ARG2: variants seen among roughly 807,000 people sequenced by gnomAD.
The protein encoded by ARG2 is arginase 2, also known as arginase-2, mitochondrial.
A neutral mutation model predicts 39.4 loss-of-function variants in ARG2; 21 were observed. That is an observed-to-expected ratio of 0.53 (90% CI 0.38 to 0.77). The LOEUF (loss-of-function observed/expected upper bound fraction) is 0.77. Among genes scored for constraint, ARG2 ranks in the 30% least tolerant of loss-of-function variants. The pLI is 0.00. For missense variants in ARG2, 378 were observed against 426.2 expected (o/e 0.89, Z 1.00); for synonymous variants, 150 against 156.7 (o/e 0.96, Z 0.32).
At chr14:67,625,489 A>G (rs2036854455) in intron 2 of ARG2, among the ~76,000 whole-genome samples, 1 of 151,980 alleles carries the variant, frequency 6.6e-6, no homozygotes, top group Non-Finnish European at 1.5e-5. Context: ...GACCAGCCTC[A>G]ACATGGAGAA....
Position 67,622,311 on chromosome 14 carries a change from T to G in ARG2, c.184+1345T>G, listed in dbSNP as rs377015668. Among the ~76,000 whole-genome samples the G allele has an allele frequency of 3.9e-5, 6 of 152,334 alleles. No individual in the cohort carries two copies. The East Asian group carries it at 5.8e-4, about 15-fold the overall frequency. ...ACTGTTGCTCTGAACTCTTCTCTGC[T>G]GGTCATAAGTCCATTCCAAGTGAAG... On this transcript the variant is annotated intron_variant, in intron 2 of 7. Transcript: ENST00000261783.
intron 2 of ARG2, among the ~76,000 whole-genome samples, chr14:67,629,777 T>C (rs1234739380): frequency 1.3e-5 from 2 of 152,198 alleles, no homozygotes; most frequent in African/African-American, 4.8e-5. Flanking sequence ...TTCAAGATCC[T>C]ACAGTAAAAG....
At chr14:67,637,410 CAAAA>C (rs34746542) in intron 2 of ARG2, among the ~76,000 whole-genome samples, 5 of 103,616 alleles carry the variant, frequency 4.8e-5, no homozygotes, top group Non-Finnish European at 7.1e-5. Context: ...GACTCTGTCT[CAAAA>C]AAAAAAAAAA....
chr14:67,627,886 T>C (rs1172806217), intron 2 of ARG2, among the ~76,000 whole-genome samples: 1 of 152,260 alleles, frequency 6.6e-6, no homozygotes, highest in Non-Finnish European at 1.5e-5. Context: ...AGCTAAATTA[T>C]TGGAATGAGC....
chr14:67,642,678 T>C (rs576351483), intron 3 of ARG2, among the ~76,000 whole-genome samples: 4 of 152,232 alleles, frequency 2.6e-5, no homozygotes, highest in South Asian at 2.1e-4. Context: ...TTGAGACTTA[T>C]CTTATGACTT....
intron 4 of ARG2, 92 bp downstream of exon 4, chr14:67,645,894 T>C: frequency 2.1e-6 from 3 of 1,439,916 alleles, no homozygotes; most frequent in Non-Finnish European, 2.8e-6. Flanking sequence ...GAAGGGTGGG[T>C]TGAGTGTGGA....
rs747068143 is a variant in ARG2, at chr14:67,650,701, C to CT, written c.860-11dup. ...CAAGGGAACCTGAGGTTTTGTCACACTTTGTTCTTCCAGGGTTGCTATCAG... is the reference window on the plus strand; with the variant it reads ...CAAGGGAACCTGAGGTTTTGTCACACTTTTGTTCTTCCAGGGTTGCTATCAG... On this transcript the variant is annotated splice_polypyrimidine_tract_variant and intron_variant, in intron 7 of 7. Coordinates refer to ENST00000261783, the MANE Select transcript of ARG2 (RefSeq NM_001172.4). The CT allele has an allele frequency of 9.3e-6, 15 of 1,612,900 alleles. No homozygotes were observed. The highest frequency in any genetic ancestry group is 3.3e-5 in the Admixed American group (2 of 60,012).
intron 7 of ARG2, 116 bp downstream of exon 7, chr14:67,648,299 A>G: frequency 8.3e-7 from 1 of 1,207,382 alleles, no homozygotes. Flanking sequence ...GTTTTTGCTT[A>G]AACTTTTGTA....
chr14:67,639,586 T>C (rs183476660), intron 2 of ARG2, among the ~76,000 whole-genome samples: 1 of 152,056 alleles, frequency 6.6e-6, no homozygotes, highest in Non-Finnish European at 1.5e-5. Context: ...GAGATAAACA[T>C]GGAGGTGAAA....
chr14:67,643,023 G>A (rs1477352040), intron 3 of ARG2, among the ~76,000 whole-genome samples: 4 of 151,890 alleles, frequency 2.6e-5, no homozygotes, highest in African/African-American at 2.4e-5. Context: ...GACTGGTCTC[G>A]AACTCCTGAG....
rs753682357 is a variant in ARG2 at position 67,648,231 on chromosome 14, G to C, written c.859+48G>C. ...GCCTGTTAACTACATAGGTAAATAT[G>C]CTAGAGTCTCTTGCCTGCAAAGGAT... is the stretch of plus-strand genomic sequence containing the variant. On this transcript the variant is annotated intron_variant, in intron 7 of 7. Coordinates refer to ENST00000261783, the MANE Select transcript of ARG2 (RefSeq NM_001172.4). 7 of 1,565,000 alleles carry C rather than the reference G, an allele frequency of 4.5e-6. No homozygotes were observed. In the East Asian group the frequency reaches 1.4e-4, roughly 31 times the overall value.
intron 3 of ARG2, among the ~76,000 whole-genome samples, chr14:67,642,746 T>C (rs2037047879): frequency 6.6e-6 from 1 of 151,486 alleles, no homozygotes; most frequent in Middle Eastern, 3.4e-3. Flanking sequence ...TTAGCATTTC[T>C]GCTAATAGAC....
chr14:67,625,664 G>C (rs747419932), intron 2 of ARG2, among the ~76,000 whole-genome samples: 110 of 102,294 alleles, frequency 1.1e-3, no homozygotes, highest in Non-Finnish European at 1.7e-3. Flanking sequence ...TGGGCAACGA[G>C]AGCAAAACTC....
chr14:67,621,712 T>C (rs2036812360), intron 2 of ARG2, among the ~76,000 whole-genome samples: 1 of 151,602 alleles, frequency 6.6e-6, no homozygotes, highest in African/African-American at 2.4e-5. Flanking sequence ...CCCAAAGTGC[T>C]GAGATTATAG....
chr14:67,619,923 C>A lies in ARG2; in HGVS notation c.-55C>A. 1 of 1,270,954 alleles carries A rather than the reference C, an allele frequency of 7.9e-7. No homozygotes were observed. The highest frequency in any genetic ancestry group is 1.6e-5 in the African/African-American group (1 of 64,022). 78.7% of individuals were successfully genotyped at this position (1,270,954 alleles called of 1,614,324 possible). On this transcript the variant is annotated 5_prime_UTR_variant, in exon 1 of 8. Transcript: ENST00000261783. ...GCAGCGGCGGGCGGTGGCGCTCACT[C>A]CCGGCTTCCAACCGCGCGGAGCCTC... is the stretch of plus-strand genomic sequence containing the variant.
chr14:67,647,587 T>C (rs1384657446), intron 6 of ARG2: 2 of 155,966 alleles, frequency 1.3e-5, no homozygotes, highest in African/African-American at 4.8e-5. Context: ...ACTGCAGACC[T>C]AAAATTAGAG....
At chr14:67,622,218 A>C (rs966106007) in intron 2 of ARG2, among the ~76,000 whole-genome samples, 1 of 152,242 alleles carries the variant, frequency 6.6e-6, no homozygotes, top group South Asian at 2.1e-4. Context: ...TTCTGGTGAC[A>C]TAAGTGCAAA....
At chr14:67,638,454 CGTT>C (rs1179097659) in intron 2 of ARG2, among the ~76,000 whole-genome samples, 1 of 152,076 alleles carries the variant, frequency 6.6e-6, no homozygotes, top group Non-Finnish European at 1.5e-5. Flanking sequence ...CTGATATACA[CGTT>C]ATCCAATTTT....
intron 2 of ARG2, among the ~76,000 whole-genome samples, chr14:67,629,564 T>G (rs571331251): frequency 6.6e-6 from 1 of 152,314 alleles, no homozygotes; most frequent in South Asian, 2.1e-4. Context: ...GCTTAATGGG[T>G]ACAGAGTTTG....
Sources: gnomAD v4.1 joint callset for allele counts (sites outside exome capture counted in the v4.1 genomes callset) on GRCh38, gnomAD v4.1.1 for gene constraint, MANE v1.5 for transcripts, NCBI Gene and HGNC (gene_info 2026-07-23, HGNC 2026-07-21) for gene names.